C11orf65: variants seen among roughly 807,000 people sequenced by gnomAD.
C11orf65 encodes protein MFI.
C11orf65 carries 38 observed loss-of-function variants against 35.3 expected under a neutral mutation model. The observed-to-expected ratio is 1.08, with a 90% confidence interval of 0.83 to 1.41. C11orf65 has a LOEUF of 1.41. C11orf65 is among the 40% of genes most tolerant of loss of function. The pLI is 0.00. For missense variants in C11orf65, 370 were observed against 367.1 expected, an observed-to-expected ratio of 1.01 and a Z score of -0.06; for synonymous variants, 105 against 114.4, an observed-to-expected ratio of 0.92 and a Z score of 0.53.
intron 7 of C11orf65, among the ~76,000 whole-genome samples, chr11:108,391,670 C>G (rs227056): frequency 2.6e-5 from 4 of 151,602 alleles, no homozygotes; most frequent in African/African-American, 9.7e-5. Flanking sequence ...TGAGCCACCA[C>G]GCCTGGCCCA....
At chr11:108,334,214 G>A (rs2086587757) in intron 3 of C11orf65, among the ~76,000 whole-genome samples, 1 of 106,794 alleles carries the variant, frequency 9.4e-6, no homozygotes, top group Admixed American at 1.1e-4. Flanking sequence ...AAGGTCTATA[G>A]ACTGTTACTT....
chr11:108,348,703 G>T (rs553085090), intron 2 of C11orf65, among the ~76,000 whole-genome samples: 46 of 152,126 alleles, frequency 3.0e-4, no homozygotes, highest in African/African-American at 1.1e-3. Context: ...GTTATCACAG[G>T]TTTCATTATT....
upstream of C11orf65, chr11:108,467,644 G>A (rs2093556811): frequency 6.6e-6 from 1 of 152,136 alleles, no homozygotes; most frequent in South Asian, 2.1e-4. Context: ...AACCGCTTGT[G>A]AAGGCTGCTG....
At chr11:108,436,703 G>A (rs914652729) in intron 2 of C11orf65, among the ~76,000 whole-genome samples, 6 of 152,034 alleles carry the variant, frequency 3.9e-5, no homozygotes, top group Admixed American at 1.3e-4. Flanking sequence ...AGACAAAGAC[G>A]CAATTTAAAA....
chr11:108,365,236 A>G (rs2137891272), intron 2 of C11orf65: 1 of 1,614,188 alleles, frequency 6.2e-7, no homozygotes, highest in Non-Finnish European at 8.5e-7. Flanking sequence ...GTATTTTAAG[A>G]AGGTCCTGTT....
chr11:108,308,828 G>A, exon 7 of C11orf65: 1 of 563,056 alleles, frequency 1.8e-6, no homozygotes, highest in African/African-American at 1.9e-5. Context: ...GCTTTTCAGT[G>A]TCTTTGCTTC....
chr11:108,316,753 C>CAAAAAAAAAAA (rs58165074), intron 6 of C11orf65, among the ~76,000 whole-genome samples: 10 of 72,364 alleles, frequency 1.4e-4, no homozygotes, highest in African/African-American at 4.4e-4. Flanking sequence ...ACTAAAAATA[C>CAAAAAAAAAAA]AAAAAAAAAA....
rs2093446229 is a variant in C11orf65, at chr11:108,459,558, T to G, written c.81+1921A>C. ...TATGAAATGTGTCTAGGCAAGTGTTTCTACAGTTTTTCCAAAGGATGCTAT... is the reference window on the plus strand; with the variant it reads ...TATGAAATGTGTCTAGGCAAGTGTTGCTACAGTTTTTCCAAAGGATGCTAT... On this transcript the variant is annotated intron_variant, in intron 2 of 8. Transcript: ENST00000393084. Among the ~76,000 whole-genome samples, 4 of 152,306 alleles carry G rather than the reference T, an allele frequency of 2.6e-5. No homozygotes were observed. The South Asian group carries it at 6.2e-4, about 24-fold the overall frequency.
At chr11:108,432,528 C>T (rs2093003921) in intron 2 of C11orf65, among the ~76,000 whole-genome samples, 1 of 152,126 alleles carries the variant, frequency 6.6e-6, no homozygotes, top group Non-Finnish European at 1.5e-5. Context: ...CAATCCCTAC[C>T]AATTAGTCCA....
rs780844407 is a variant in C11orf65, at chr11:108,332,889, A to G, written c.300-1322T>C. ...GCAAACTTAGATGCCACTCAGTGGAAGACTCAGAGAAGTATGTTTTTTTTA... is the reference window on the plus strand; with the variant it reads ...GCAAACTTAGATGCCACTCAGTGGAGGACTCAGAGAAGTATGTTTTTTTTA... On this transcript the variant is annotated intron_variant, in intron 3 of 3. Transcript: ENST00000524755. 1 of 1,612,600 alleles carries G rather than the reference A, an allele frequency of 6.2e-7. No homozygotes were observed. Among genetic ancestry groups the G allele is most frequent in the South Asian group, 1.1e-5 (1 of 91,072 alleles).
chr11:108,405,627 C>T (rs1224623242), intron 5 of C11orf65, 68 bp from the exon 6 acceptor site: 3 of 1,489,506 alleles, frequency 2.0e-6, no homozygotes, highest in African/African-American at 2.8e-5. Flanking sequence ...TGGCAATAGA[C>T]AAGAACTTCT....
chr11:108,357,686 C>T (rs1203777809), intron 2 of C11orf65, among the ~76,000 whole-genome samples: 1 of 152,314 alleles, frequency 6.6e-6, no homozygotes, highest in African/African-American at 2.4e-5. Flanking sequence ...CAGGGGCACA[C>T]TGACACCTCA....
chr11:108,329,184 A>G (rs1565527146), downstream of C11orf65: 1 of 1,614,066 alleles, frequency 6.2e-7, no homozygotes, highest in Non-Finnish European at 8.5e-7. Flanking sequence ...GCTCTCCTGA[A>G]AAGAGCCAAA....
chr11:108,447,740 C>T (rs1291420483), intron 2 of C11orf65, among the ~76,000 whole-genome samples: 1 of 151,974 alleles, frequency 6.6e-6, no homozygotes, highest in Non-Finnish European at 1.5e-5. Flanking sequence ...AAAGCAAGAG[C>T]AAACACATTC....
chr11:108,394,853 A>C lies in C11orf65; in HGVS notation c.561-1475T>G, dbSNP rs149588821. On this transcript the variant is annotated intron_variant, in intron 6 of 8. Coordinates refer to ENST00000393084, the MANE Select transcript of C11orf65 (RefSeq NM_152587.5). Reference sequence around the variant, plus strand: ...CTTCCTTAAAATGGTAATCAGGGCCAGGTGTGGTAGCTCATGCCTATAATC... The same window carrying C: ...CTTCCTTAAAATGGTAATCAGGGCCCGGTGTGGTAGCTCATGCCTATAATC... Among the ~76,000 whole-genome samples the C allele has an allele frequency of 8.6e-3, 1,315 of 152,278 alleles. 19 individuals carry two copies. Among genetic ancestry groups the C allele is most frequent in the African/African-American group, 0.03 (1,227 of 41,566 alleles).
intron 1 of C11orf65, among the ~76,000 whole-genome samples, chr11:108,465,348 A>T (rs2093522082): frequency 6.6e-6 from 1 of 152,248 alleles, no homozygotes; most frequent in Non-Finnish European, 1.5e-5. Context: ...TATGTTTATG[A>T]ATACACAAAA....
Position 108,369,674 on chromosome 11 carries a change from TAC to T in C11orf65, c.226+23532_226+23533del, listed in dbSNP as rs375382766. Among the ~76,000 whole-genome samples the T allele has an allele frequency of 2.0e-4, 30 of 152,328 alleles. No homozygotes were observed. In the East Asian group the frequency reaches 5.6e-3, roughly 28 times the overall value. ...TCCCTTTGCCATTAAAAGTACAGCA[TAC>T]ACAGTTTTATGTACAACAGTATGTA... On this transcript the variant is annotated intron_variant, in intron 2 of 3. Coordinates refer to the C11orf65 transcript ENST00000524755.
chr11:108,347,485 G>A, intron 2 of C11orf65: 1 of 848,586 alleles, frequency 1.2e-6, no homozygotes, highest in Non-Finnish European at 1.9e-6. Context: ...AGTAAATATT[G>A]GGTTTTTTTG....
chr11:108,364,590 A>C (rs2091139958), intron 2 of C11orf65, among the ~76,000 whole-genome samples: 1 of 152,166 alleles, frequency 6.6e-6, no homozygotes, highest in Non-Finnish European at 1.5e-5. Context: ...GAGCCATAGG[A>C]ATAGGGTGGA....
Sources: allele counts gnomAD v4.1 joint callset (sites outside exome capture counted in the v4.1 genomes callset), GRCh38; gene constraint gnomAD v4.1.1; transcripts MANE v1.5; gene names NCBI Gene and HGNC (gene_info 2026-07-23, HGNC 2026-07-21).